The following IQSEC3 variants were observed in gnomAD, a reference collection of about 807,000 sequenced individuals.
The protein encoded by IQSEC3 is IQ motif and Sec7 domain ArfGEF 3.
In IQSEC3, 50 loss-of-function variants were observed where a neutral mutation model predicts 105.4. The observed-to-expected ratio is 0.47, with a 90% CI of 0.38 to 0.60. The LOEUF is 0.60. IQSEC3 is among the 20% of genes least tolerant of loss of function. The pLI is 0.00. For missense variants in IQSEC3, 1,415 were observed against 1,630.0 expected (o/e 0.87, Z 2.27); for synonymous variants, 708 against 746.0 (o/e 0.95, Z 0.83).
intron 7 of IQSEC3, among the ~76,000 whole-genome samples, chr12:159,861 T>C (rs1391302505): frequency 6.6e-6 from 1 of 152,236 alleles, no homozygotes; most frequent in Non-Finnish European, 1.5e-5. Context: ...CCTGCTATTC[T>C]GTTGGTGGAT....
At chr12:69,163 C>G (rs1472654576) in intron 1 of IQSEC3, among the ~76,000 whole-genome samples, 1 of 152,260 alleles carries the variant, frequency 6.6e-6, no homozygotes, top group Non-Finnish European at 1.5e-5. Context: ...TATGATTTCT[C>G]TCCTCATGAC....
chr12:101,775 C>G (rs782723828), intron 2 of IQSEC3, among the ~76,000 whole-genome samples: 1 of 152,162 alleles, frequency 6.6e-6, no homozygotes, highest in African/African-American at 2.4e-5. Flanking sequence ...GTTTTCTGGG[C>G]AGCCCAACAG....
chr12:83,398 C>A (rs1182140684), intron 1 of IQSEC3, among the ~76,000 whole-genome samples: 4 of 151,864 alleles, frequency 2.6e-5, no homozygotes, highest in Non-Finnish European at 5.9e-5. Flanking sequence ...AACAGAAATT[C>A]CCAAGGACTA....
intron 5 of IQSEC3, among the ~76,000 whole-genome samples, chr12:151,794 C>T (rs566790085): frequency 9.2e-5 from 14 of 152,258 alleles, no homozygotes; most frequent in African/African-American, 2.4e-4. Context: ...TGAAGCTCCT[C>T]CCTGCCGTGA....
chr12:98,997 GC>G, intron 1 of IQSEC3, 148 bp from the exon 2 acceptor site: 1 of 645,080 alleles, frequency 1.6e-6, no homozygotes, highest in Non-Finnish European at 2.7e-6. Context: ...CTTGCCCAGA[GC>G]AGTGATTGGC....
At chr12:149,262 G>A (rs1293954734) in intron 5 of IQSEC3, 9 of 152,286 alleles carry the variant, frequency 5.9e-5, no homozygotes, top group African/African-American at 1.9e-4. Context: ...GGCTGGAAGC[G>A]GTCTAATCGG....
intron 1 of IQSEC3, among the ~76,000 whole-genome samples, chr12:93,612 G>A (rs1864159516): frequency 6.6e-6 from 1 of 152,218 alleles, no homozygotes; most frequent in East Asian, 1.9e-4. Context: ...CACGGTCTCA[G>A]TATGGCTCCT....
chr12:169,099 C>T lies in IQSEC3; in HGVS notation c.3058C>T (p.Pro1020Ser), dbSNP rs1555099499. The T allele has an allele frequency of 6.2e-7, 1 of 1,613,778 alleles. No individual in the cohort carries two copies. Among genetic ancestry groups the T allele is most frequent in the Non-Finnish European group, 8.5e-7 (1 of 1,179,926 alleles). The change falls in exon 12 of 14, where the codon CCG becomes TCG. Residue 1020 changes from proline (P) to serine (S), a missense_variant. Physicochemically the swap from Pro to Ser is moderately conservative, Grantham distance 74. Transcript: ENST00000538872. ...QGDPQSKQGS[P>S]TAKREAALRE... is the part of the protein sequence containing the mutation. ...GGACCCACAGTCAAAGCAAGGATCGCCGACAGGTGAGCCTCGGCTCCGCTC... is the reference window on the plus strand; with the variant it reads ...GGACCCACAGTCAAAGCAAGGATCGTCGACAGGTGAGCCTCGGCTCCGCTC...
chr12:85,152 G>T (rs1863876480), intron 1 of IQSEC3, among the ~76,000 whole-genome samples: 1 of 152,200 alleles, frequency 6.6e-6, no homozygotes, highest in East Asian at 1.9e-4. Flanking sequence ...TATTGGTCAG[G>T]ACTTGCCTTC....
chr12:152,113 G>A lies in IQSEC3; in HGVS notation c.2154-4912G>A, dbSNP rs782688042. On this transcript the variant is annotated intron_variant, in intron 5 of 13. Coordinates refer to ENST00000538872, the MANE Select transcript of IQSEC3 (RefSeq NM_001170738.2). The surrounding 1 kb of genome is among the most constrained non-coding windows in gnomAD (Gnocchi z 4.8). ...AGGTCCCGAGCACAGCCTTGCACAC[G>A]GGGCCACTCAGTGCTCGTTGCTGAA... 3.3e-5 allele frequency among the ~76,000 whole-genome samples: 5 copies of A among 151,696 alleles called. No homozygotes were observed. Among genetic ancestry groups the A allele is most frequent in the Non-Finnish European group, 7.4e-5 (5 of 67,986 alleles).
At chr12:172,984 C>A (rs774204886) in intron 13 of IQSEC3, among the ~76,000 whole-genome samples, 4 of 152,100 alleles carry the variant, frequency 2.6e-5, no homozygotes, top group Non-Finnish European at 5.9e-5. Context: ...ACTGGGACAG[C>A]CAGACATTCG....
At chr12:83,903 T>C (rs1469532115) in intron 1 of IQSEC3, among the ~76,000 whole-genome samples, 1 of 152,274 alleles carries the variant, frequency 6.6e-6, no homozygotes, top group African/African-American at 2.4e-5. Flanking sequence ...GACATTGCTG[T>C]GCATTTGTTA....
intron 5 of IQSEC3, among the ~76,000 whole-genome samples, chr12:146,122 C>A (rs1210341999): frequency 9.2e-5 from 14 of 152,184 alleles, no homozygotes; most frequent in African/African-American, 3.4e-4. Context: ...TCTTAGAGGA[C>A]GTTTAGAAAT....
intron 1 of IQSEC3, among the ~76,000 whole-genome samples, chr12:82,213 C>G (rs1555070863): frequency 6.6e-6 from 1 of 152,122 alleles, no homozygotes; most frequent in Non-Finnish European, 1.5e-5. Context: ...GATTATGGTA[C>G]TCATATCTTT....
At chr12:76,304 T>C (rs1863525050) in intron 1 of IQSEC3, among the ~76,000 whole-genome samples, 1 of 152,204 alleles carries the variant, frequency 6.6e-6, no homozygotes, top group Non-Finnish European at 1.5e-5. Context: ...GGATCAGCTG[T>C]GTTCAGGGAA....
chr12:171,360 C>G, intron 13 of IQSEC3, 199 bp downstream of exon 13: 3 of 1,576,630 alleles, frequency 1.9e-6, no homozygotes, highest in Non-Finnish European at 2.6e-6. Flanking sequence ...AATTAAGCCA[C>G]GAGCTCTTTC....
intron 5 of IQSEC3, among the ~76,000 whole-genome samples, chr12:145,861 C>A (rs575165887): frequency 1.3e-5 from 2 of 152,320 alleles, no homozygotes; most frequent in East Asian, 3.8e-4. Flanking sequence ...CTCTTTCTGG[C>A]CTGGATGATT....
intron 2 of IQSEC3, among the ~76,000 whole-genome samples, chr12:115,429 A>G (rs1228691979): frequency 1.3e-5 from 2 of 152,286 alleles, no homozygotes; most frequent in East Asian, 3.9e-4. Flanking sequence ...TGCCTCTGGT[A>G]TGGGCTTTAT....
chr12:112,302 A>G, intron 2 of IQSEC3, among the ~76,000 whole-genome samples: 1 of 117,456 alleles, frequency 8.5e-6, no homozygotes, highest in Non-Finnish European at 1.7e-5. Context: ...AAGTGGGGGG[A>G]AGGGGGATGG....
Sources: allele counts gnomAD v4.1 joint callset (sites outside exome capture counted in the v4.1 genomes callset), GRCh38; gene constraint gnomAD v4.1.1; non-coding constraint Gnocchi (gnomAD v3.1); transcripts MANE v1.5; gene names NCBI Gene and HGNC (gene_info 2026-07-23, HGNC 2026-07-21).